Variants in CEP128 observed in about 807,000 individuals in gnomAD.
CEP128 encodes the protein centrosomal protein 128.
CEP128 carries 132 observed loss-of-function variants against 156.7 expected under a neutral mutation model. The observed-to-expected ratio is 0.84, with a 90% CI of 0.73 to 0.97. The LOEUF (loss-of-function observed/expected upper bound fraction) is 0.97. Among genes scored for constraint, CEP128 ranks in the 50% least tolerant of loss-of-function variants. The probability of loss-of-function intolerance (pLI) is 0.00; values close to 1 mark genes in which losing one functional copy is unlikely to be tolerated. For missense variants in CEP128, 1,252 were observed against 1,281.9 expected (o/e 0.98, Z 0.36); for synonymous variants, 469 against 448.9 (o/e 1.04, Z -0.57).
chr14:80,696,761 A>C (rs1223047580), intron 19 of CEP128, among the ~76,000 whole-genome samples: 13 of 152,168 alleles, frequency 8.5e-5, no homozygotes, highest in Admixed American at 8.5e-4. Context: ...AAAGAATGGG[A>C]GAGTTTAAAC....
chr14:80,849,223 A>G (rs1250125972), intron 9 of CEP128, among the ~76,000 whole-genome samples: 1 of 152,236 alleles, frequency 6.6e-6, no homozygotes, highest in Admixed American at 6.5e-5. Context: ...CAAGATGGTT[A>G]TCTATCTGTT....
At chr14:80,539,842 G>A in intron 21 of CEP128, among the ~76,000 whole-genome samples, 1 of 152,078 alleles carries the variant, frequency 6.6e-6, no homozygotes, top group South Asian at 2.1e-4. Context: ...CCTGGGGGGA[G>A]GTCTATAAAC....
chr14:80,634,926 C>A (rs1250434783), intron 19 of CEP128, among the ~76,000 whole-genome samples: 4 of 152,200 alleles, frequency 2.6e-5, no homozygotes, highest in Non-Finnish European at 5.9e-5. Context: ...CCACCAGTTG[C>A]TTCCCACTGC....
chr14:80,747,714 G>T (rs2139621004), intron 18 of CEP128, among the ~76,000 whole-genome samples: 1 of 152,324 alleles, frequency 6.6e-6, no homozygotes, highest in South Asian at 2.1e-4. Context: ...GGCTGAGGCA[G>T]GAGAATTGCT....
intron 19 of CEP128, among the ~76,000 whole-genome samples, chr14:80,710,591 T>C (rs929891855): frequency 2.0e-5 from 3 of 152,102 alleles, no homozygotes; most frequent in African/African-American, 7.2e-5. Context: ...TTAAGTACTA[T>C]ACAACTGAAT....
At chr14:80,953,608 A>G (rs891271914) in intron 2 of CEP128, among the ~76,000 whole-genome samples, 13 of 152,216 alleles carry the variant, frequency 8.5e-5, no homozygotes, top group African/African-American at 3.1e-4. Flanking sequence ...AAAAAAGGAT[A>G]AATACATCAT....
intron 19 of CEP128, among the ~76,000 whole-genome samples, chr14:80,590,148 C>A (rs1891987257): frequency 1.3e-5 from 2 of 152,230 alleles, no homozygotes; most frequent in Non-Finnish European, 2.9e-5. Context: ...GAAACAAGGA[C>A]ATGAATCCTC....
chr14:80,575,574 G>A (rs1362049917), intron 20 of CEP128, among the ~76,000 whole-genome samples: 1 of 152,178 alleles, frequency 6.6e-6, no homozygotes, highest in East Asian at 1.9e-4. Context: ...CCCGATGGGG[G>A]CAGAGACCTC....
chr14:80,611,591 A>G (rs1892996262), intron 19 of CEP128, among the ~76,000 whole-genome samples: 1 of 152,210 alleles, frequency 6.6e-6, no homozygotes, highest in Non-Finnish European at 1.5e-5. Context: ...AGCCAAAGAA[A>G]AGGGTAAGCC....
intron 19 of CEP128, among the ~76,000 whole-genome samples, chr14:80,630,097 C>T (rs1038121247): frequency 6.6e-6 from 1 of 151,832 alleles, no homozygotes; most frequent in South Asian, 2.1e-4. Context: ...TACCCTTCTG[C>T]TTTGTTCAAT....
chr14:80,840,931 T>C (rs1351771263), intron 9 of CEP128, among the ~76,000 whole-genome samples, 163 bp from the exon 10 acceptor site: 1 of 152,126 alleles, frequency 6.6e-6, no homozygotes, highest in Non-Finnish European at 1.5e-5. Flanking sequence ...GGGGATAAAA[T>C]ATAAACAATT....
chr14:80,720,675 A>T (rs538623679), intron 19 of CEP128, among the ~76,000 whole-genome samples: 1 of 152,368 alleles, frequency 6.6e-6, no homozygotes, highest in Admixed American at 6.5e-5. Context: ...AGCTAATAAA[A>T]GTTCTTCCAA....
chr14:80,737,789 C>T (rs1349423741), intron 19 of CEP128, among the ~76,000 whole-genome samples: 1 of 152,126 alleles, frequency 6.6e-6, no homozygotes. Flanking sequence ...ACTCAGGAGT[C>T]TGAGATGGGA....
intron 21 of CEP128, among the ~76,000 whole-genome samples, chr14:80,555,405 A>T (rs1359392629): frequency 2.0e-5 from 3 of 152,110 alleles, no homozygotes; most frequent in African/African-American, 7.2e-5. Context: ...GTAGGGTTCC[A>T]CTGATCTTCC....
In CEP128 at chr14:80,830,858, C is replaced by T. The variant is rs193190591; in HGVS notation, c.1209+285G>A. ...TCTGTCTGTAGAAAGGGTTCAATTG[C>T]TATTAGAACAAAAATATTTTCAAAT... On this transcript the variant is annotated intron_variant, in intron 13 of 24. Transcript: ENST00000555265. The T allele has an allele frequency of 1.8e-4, 56 of 307,996 alleles. No individual in the cohort carries two copies. The East Asian group carries it at 3.0e-3, about 17-fold the overall frequency. 19.1% of individuals were successfully genotyped at this position (307,996 alleles called of 1,614,324 possible).
intron 21 of CEP128, among the ~76,000 whole-genome samples, chr14:80,541,982 T>G (rs1207897740): frequency 7.5e-6 from 1 of 132,792 alleles, no homozygotes; most frequent in East Asian, 2.3e-4. Context: ...TGCAGAGTTG[T>G]TGTAAGGATC....
intron 21 of CEP128, among the ~76,000 whole-genome samples, chr14:80,533,675 C>T (rs1039574291): frequency 6.6e-6 from 1 of 152,114 alleles, no homozygotes. Context: ...TTGCCATCCC[C>T]CGCTGCCCCC....
At chr14:80,730,620 TAGTC>T (rs913093672) in intron 19 of CEP128, among the ~76,000 whole-genome samples, 32 of 152,348 alleles carry the variant, frequency 2.1e-4, no homozygotes, top group Non-Finnish European at 3.2e-4. Flanking sequence ...AAGTGTAAGT[TAGTC>T]AGATGGAATA....
At chr14:80,746,059 TA>T (rs1899083769) in intron 18 of CEP128, among the ~76,000 whole-genome samples, 1 of 152,162 alleles carries the variant, frequency 6.6e-6, no homozygotes, top group Admixed American at 6.5e-5. Flanking sequence ...AACTTATATT[TA>T]AAAACTACAA....
Sources: gnomAD v4.1 joint callset for allele counts (sites outside exome capture counted in the v4.1 genomes callset) on GRCh38, gnomAD v4.1.1 for gene constraint, MANE v1.5 for transcripts, NCBI Gene and HGNC (gene_info 2026-07-23, HGNC 2026-07-21) for gene names.